The following PLAG1 variants were observed in gnomAD, a reference collection of about 807,000 sequenced individuals.
PLAG1 encodes the protein zinc finger protein PLAG1.
Under a neutral mutation model 35.5 loss-of-function variants are expected in PLAG1, and 7 were observed. That is an observed-to-expected ratio of 0.20 (90% CI 0.11 to 0.37). The LOEUF is 0.37. Among genes scored for constraint, PLAG1 ranks in the 10% least tolerant of loss-of-function variants. PLAG1 has a pLI of 1.00. For synonymous variants in PLAG1, 229 were observed against 225.4 expected (o/e 1.02, Z -0.14); for missense variants, 454 against 602.8 (o/e 0.75, Z 2.58).
At chr8:56,190,487 A>G (rs1679112716) in intron 1 of PLAG1, among the ~76,000 whole-genome samples, 1 of 152,168 alleles carries the variant, frequency 6.6e-6, no homozygotes, top group Non-Finnish European at 1.5e-5. Flanking sequence ...TTTTAGTAAA[A>G]TTGAAAAGAA....
intron 1 of PLAG1, among the ~76,000 whole-genome samples, chr8:56,198,816 T>A (rs1812459891): frequency 6.6e-6 from 1 of 152,202 alleles, no homozygotes; most frequent in Non-Finnish European, 1.5e-5. Context: ...AATTCCTTCA[T>A]GCTGCCTACT....
At position 56,162,975 on chromosome 8, in the gene PLAG1, A is replaced by G. The variant is rs1275358765; in HGVS notation, c.*3268T>C. 4.7e-6 allele frequency: 1 copy of G among 212,026 alleles called. No homozygotes were observed. The highest frequency in any genetic ancestry group is 9.6e-6 in the Non-Finnish European group (1 of 104,426). 13.1% of individuals were successfully genotyped at this position (212,026 alleles called of 1,614,324 possible). ...ATCAGCCAGGACAATTGAAGTTTTA[A>G]AAAACTGAACTTGGTAATAGGATTT... On this transcript the variant is annotated 3_prime_UTR_variant, in exon 5 of 5. Coordinates refer to ENST00000316981, the MANE Select transcript of PLAG1 (RefSeq NM_002655.3).
intron 1 of PLAG1, among the ~76,000 whole-genome samples, chr8:56,192,178 C>T (rs144142623): frequency 2.2e-3 from 330 of 152,302 alleles, no homozygotes; most frequent in African/African-American, 7.6e-3. Context: ...GTACTACCAG[C>T]GACAGCGACT....
chr8:56,192,074 A>G (rs1342902404), intron 1 of PLAG1, among the ~76,000 whole-genome samples: 2 of 152,220 alleles, frequency 1.3e-5, no homozygotes, highest in Non-Finnish European at 1.5e-5. Flanking sequence ...GGACAAATTA[A>G]AACAAAAGAA....
chr8:56,161,602 C>T lies in PLAG1; in HGVS notation c.*4641G>A, dbSNP rs965611263. 7.0e-5 allele frequency: 16 copies of T among 228,286 alleles called. No homozygotes were observed. Among genetic ancestry groups the T allele is most frequent in the African/African-American group, 1.1e-4 (5 of 44,982 alleles). The allele number at this position is 228,286 out of a possible 1,614,324, so 14.1% of individuals were successfully genotyped here. A position where few individuals can be genotyped will look rare whatever the true frequency, so the allele number is the denominator to read the frequency against. The stretch of plus-strand genomic sequence containing the variant: ...TTTGTTCTGGTAACATTTGCATGTC[C>T]GAGATCTCCTTTTGCAAGTGCACAT... On this transcript the variant is annotated 3_prime_UTR_variant, in exon 5 of 5. Coordinates refer to ENST00000316981, the MANE Select transcript of PLAG1 (RefSeq NM_002655.3).
At chr8:56,203,358 CT>C (rs1812611301) in intron 1 of PLAG1, among the ~76,000 whole-genome samples, 1 of 152,072 alleles carries the variant, frequency 6.6e-6, no homozygotes, top group Non-Finnish European at 1.5e-5. Flanking sequence ...TGATAGTTTA[CT>C]TTCATTTTGA....
At chr8:56,181,509 T>A (rs974782849) in intron 1 of PLAG1, among the ~76,000 whole-genome samples, 1 of 150,102 alleles carries the variant, frequency 6.7e-6, no homozygotes, top group Non-Finnish European at 1.5e-5. Context: ...TAAGTGGGAG[T>A]TGAACAATAA....
chr8:56,210,841 T>C (rs1478604187), intron 1 of PLAG1, among the ~76,000 whole-genome samples: 9 of 151,564 alleles, frequency 5.9e-5, no homozygotes, highest in Admixed American at 4.6e-4. Flanking sequence ...TTTTTTTTTT[T>C]CCCACCGACC....
intron 2 of PLAG1, among the ~76,000 whole-genome samples, chr8:56,172,874 AAATTT>A (rs1447384312): frequency 1.1e-4 from 17 of 152,238 alleles, no homozygotes; most frequent in Admixed American, 8.5e-4. Context: ...AAAAGGAAAT[AAATTT>A]AAGACTTAAA....
In PLAG1 at chr8:56,162,575, T is replaced by C. The variant is rs1164251688; in HGVS notation, c.*3668A>G. The C allele has an allele frequency of 4.7e-6, 1 of 210,826 alleles. No homozygotes were observed. Among genetic ancestry groups the C allele is most frequent in the African/African-American group, 2.3e-5 (1 of 44,124 alleles). The allele number at this position is 210,826 out of a possible 1,614,324, so 13.1% of individuals were successfully genotyped here. Reference sequence around the variant, plus strand: ...GTCTTAAAATAAAAGGCATAACCTATAAGAAAGTTTCTGTAAAGGTTTAGA... The same window carrying C: ...GTCTTAAAATAAAAGGCATAACCTACAAGAAAGTTTCTGTAAAGGTTTAGA... On this transcript the variant is annotated 3_prime_UTR_variant, in exon 5 of 5. Transcript: ENST00000316981.
At chr8:56,192,060 C>G (rs1040839564) in intron 1 of PLAG1, among the ~76,000 whole-genome samples, 1 of 152,002 alleles carries the variant, frequency 6.6e-6, no homozygotes, top group Non-Finnish European at 1.5e-5. Flanking sequence ...ATGGAAAACA[C>G]GAAGGACAAA....
intron 2 of PLAG1, chr8:56,178,070 A>C: frequency 1.2e-6 from 1 of 818,512 alleles, no homozygotes; most frequent in Non-Finnish European, 1.5e-6. Flanking sequence ...CCTTAAGCAC[A>C]TGGAACTACA....
intron 1 of PLAG1, among the ~76,000 whole-genome samples, chr8:56,199,487 G>A (rs34571768): frequency 0.1 from 15,239 of 152,260 alleles, 923 homozygotes; most frequent in Non-Finnish European, 0.13. Flanking sequence ...AGGTACTTAG[G>A]GAAGGGGGAT....
chr8:56,165,387 C>T lies in PLAG1; in HGVS notation c.*856G>A, dbSNP rs537374458. Reference sequence around the variant, plus strand: ...TAAATTGCTGGCTGCACTTGACCCACCCCTTGGATGTGAAAGGTGGAAAAG... The same window carrying T: ...TAAATTGCTGGCTGCACTTGACCCATCCCTTGGATGTGAAAGGTGGAAAAG... On this transcript the variant is annotated 3_prime_UTR_variant, in exon 5 of 5. Transcript: ENST00000316981. The T allele has an allele frequency of 5.9e-5, 13 of 219,336 alleles. No homozygotes were observed. The highest frequency in any genetic ancestry group is 2.9e-4 in the African/African-American group (13 of 44,640). The allele number at this position is 219,336 out of a possible 1,614,324, so 13.6% of individuals were successfully genotyped here.
chr8:56,189,869 A>G (rs1283370860), intron 1 of PLAG1, among the ~76,000 whole-genome samples: 1 of 152,144 alleles, frequency 6.6e-6, no homozygotes, highest in East Asian at 1.9e-4. Flanking sequence ...TCCTCCTGTG[A>G]CTGGAGCTGA....
chr8:56,191,059 A>G (rs1025378845), intron 1 of PLAG1, among the ~76,000 whole-genome samples: 4 of 152,118 alleles, frequency 2.6e-5, no homozygotes, highest in African/African-American at 9.7e-5. Context: ...AGGGCTGGAG[A>G]GTGACCAAGG....
intron 1 of PLAG1, among the ~76,000 whole-genome samples, chr8:56,200,067 G>A (rs1043327752): frequency 5.9e-5 from 9 of 152,030 alleles, no homozygotes; most frequent in African/African-American, 2.2e-4. Flanking sequence ...CCATCATTCT[G>A]CTCACCCCTG....
chr8:56,199,519 T>C (rs1486861634), intron 1 of PLAG1, among the ~76,000 whole-genome samples: 1 of 152,196 alleles, frequency 6.6e-6, no homozygotes, highest in African/African-American at 2.4e-5. Flanking sequence ...AGGTGTATTT[T>C]ATTTTTTTGA....
chr8:56,194,117 C>A (rs1048306335), intron 1 of PLAG1, among the ~76,000 whole-genome samples: 1 of 151,654 alleles, frequency 6.6e-6, no homozygotes, highest in Non-Finnish European at 1.5e-5. Context: ...AGTTTGAGAC[C>A]AGCCTGGCCA....
Sources: gnomAD v4.1 joint callset for allele counts (sites outside exome capture counted in the v4.1 genomes callset) on GRCh38, gnomAD v4.1.1 for gene constraint, MANE v1.5 for transcripts, NCBI Gene and HGNC (gene_info 2026-07-23, HGNC 2026-07-21) for gene names.